Variants in ETV6 observed in about 807,000 individuals in gnomAD.
The protein encoded by ETV6 is ETS variant transcription factor 6, also known as transcription factor ETV6.
ETV6 carries 16 observed loss-of-function variants against 51.1 expected under a neutral mutation model. The ratio of observed to expected loss-of-function variants is 0.31; its 90% confidence interval spans 0.21 to 0.48. The LOEUF (loss-of-function observed/expected upper bound fraction) is 0.48. ETV6 is among the 20% of genes least tolerant of loss of function. The probability of loss-of-function intolerance (pLI) is 0.99; values close to 1 mark genes in which losing one functional copy is unlikely to be tolerated. For synonymous variants in ETV6, 240 were observed against 224.1 expected (o/e 1.07, Z -0.64); for missense variants, 458 against 594.8 (o/e 0.77, Z 2.39).
chr12:11,675,099 A>G (rs769172795), intron 1 of ETV6, among the ~76,000 whole-genome samples: 2 of 152,208 alleles, frequency 1.3e-5, no homozygotes, highest in Non-Finnish European at 2.9e-5. Context: ...CCATGGGGGT[A>G]AGCCTAGTCC....
At chr12:11,840,914 G>A (rs542654508) in intron 3 of ETV6, 1 of 168,576 alleles carries the variant, frequency 5.9e-6, no homozygotes, top group South Asian at 1.3e-4. Flanking sequence ...TTCTATTCCA[G>A]TGGAAACTCA....
intron 1 of ETV6, among the ~76,000 whole-genome samples, chr12:11,742,334 C>T (rs182098585): frequency 1.3e-3 from 191 of 152,294 alleles, no homozygotes; most frequent in African/African-American, 3.8e-3. Flanking sequence ...ACAAAACTCC[C>T]CAGACTTTCT....
intron 1 of ETV6, among the ~76,000 whole-genome samples, chr12:11,668,406 T>G (rs772708121): frequency 6.6e-6 from 1 of 151,956 alleles, no homozygotes; most frequent in Non-Finnish European, 1.5e-5. Context: ...TTTTGTTTTT[T>G]TTTTTTAAAT....
At chr12:11,699,990 T>C (rs1216571945) in intron 1 of ETV6, among the ~76,000 whole-genome samples, 1 of 152,212 alleles carries the variant, frequency 6.6e-6, no homozygotes. Flanking sequence ...TTATAAACCT[T>C]AGTCCAAGTC....
rs1479035092 is a variant in ETV6, at chr12:11,883,302, T to C, written c.1010-1143T>C. Among the ~76,000 whole-genome samples, 22 of 81,334 alleles carry C rather than the reference T, an allele frequency of 2.7e-4. 2 individuals carry two copies. The South Asian group carries it at 3.0e-3, about 11-fold the overall frequency. 53.4% of individuals were successfully genotyped at this position (81,334 alleles called of 152,430 possible). ...TTTTTTTTTTTTTTTTTTTTTTTTT[T>C]TTTTTTTTTGAGACTGAGTCTCACT... On this transcript the variant is annotated intron_variant, in intron 5 of 7. Coordinates refer to ENST00000396373, the MANE Select transcript of ETV6 (RefSeq NM_001987.5).
At chr12:11,787,913 G>A (rs16907270) in intron 2 of ETV6, among the ~76,000 whole-genome samples, 5,537 of 152,252 alleles carry the variant, frequency 0.036, 333 homozygotes, top group African/African-American at 0.12. Flanking sequence ...CCTCCCTATA[G>A]AAGACCCAGT....
At chr12:11,799,723 G>A (rs1016369947) in intron 2 of ETV6, among the ~76,000 whole-genome samples, 1 of 152,076 alleles carries the variant, frequency 6.6e-6, no homozygotes, top group African/African-American at 2.4e-5. Flanking sequence ...AACTGGGCAC[G>A]TCTACTTTGC....
intron 7 of ETV6, among the ~76,000 whole-genome samples, chr12:11,887,582 T>A (rs191328508): frequency 2.6e-5 from 4 of 152,054 alleles, no homozygotes; most frequent in African/African-American, 9.6e-5. Context: ...ACCCCATCTC[T>A]ACTAAAAGTA....
chr12:11,752,384 A>T, intron 1 of ETV6, 66 bp from the exon 2 acceptor site: 2 of 1,556,138 alleles, frequency 1.3e-6, no homozygotes, highest in Non-Finnish European at 1.7e-6. Context: ...AGATGGTCTC[A>T]TACCTCCATT....
intron 1 of ETV6, among the ~76,000 whole-genome samples, chr12:11,724,626 A>C (rs1041948717): frequency 2.0e-5 from 3 of 152,198 alleles, no homozygotes; most frequent in Non-Finnish European, 4.4e-5. Context: ...GTGTATCAGA[A>C]GAGGGTTGAG....
chr12:11,748,419 A>G (rs1311177218), intron 1 of ETV6, among the ~76,000 whole-genome samples: 1 of 152,132 alleles, frequency 6.6e-6, no homozygotes, highest in African/African-American at 2.4e-5. Flanking sequence ...AACCAACTTT[A>G]TTTCTGTTTT....
intron 1 of ETV6, among the ~76,000 whole-genome samples, chr12:11,742,474 A>AT (rs1166800773): frequency 6.6e-6 from 1 of 152,152 alleles, no homozygotes; most frequent in Non-Finnish European, 1.5e-5. Flanking sequence ...TCTGGAAAAA[A>AT]TTTTTTTAAA....
At chr12:11,722,048 C>T (rs1865398664) in intron 1 of ETV6, among the ~76,000 whole-genome samples, 1 of 152,158 alleles carries the variant, frequency 6.6e-6, no homozygotes, top group Non-Finnish European at 1.5e-5. Context: ...ATATTATGCC[C>T]CTGCTCACTT....
At chr12:11,752,372 C>G (rs542048027) in intron 1 of ETV6, 78 bp from the exon 2 acceptor site, 11 of 1,520,430 alleles carry the variant, frequency 7.2e-6, no homozygotes, top group African/African-American at 4.1e-5. Flanking sequence ...CTCCCCACCC[C>G]GAGATGGTCT....
At chr12:11,866,416 C>G (rs1946791469) in intron 4 of ETV6, among the ~76,000 whole-genome samples, 1 of 152,140 alleles carries the variant, frequency 6.6e-6, no homozygotes, top group South Asian at 2.1e-4. Flanking sequence ...CTTCTCATAT[C>G]TAGAAAATTG....
At chr12:11,846,080 G>A (rs929086308) in intron 3 of ETV6, among the ~76,000 whole-genome samples, 1 of 151,996 alleles carries the variant, frequency 6.6e-6, no homozygotes, top group Non-Finnish European at 1.5e-5. Context: ...GTTATGCACT[G>A]GTGTTTTCAC....
At chr12:11,690,283 C>G (rs1185510287) in intron 1 of ETV6, among the ~76,000 whole-genome samples, 1 of 151,916 alleles carries the variant, frequency 6.6e-6, no homozygotes, top group Non-Finnish European at 1.5e-5. Flanking sequence ...TCCTCACGTC[C>G]TTACAAGACA....
rs540511858 is a variant in ETV6 at position 11,894,869 on chromosome 12, T to C, written c.*3823T>C. 4 of 233,652 alleles carry C rather than the reference T, an allele frequency of 1.7e-5. No individual in the cohort carries two copies. In the South Asian group the frequency reaches 7.2e-4, roughly 42 times the overall value. The allele number at this position is 233,652 out of a possible 1,614,324, so 14.5% of individuals were successfully genotyped here. A position where few individuals can be genotyped will look rare whatever the true frequency, so the allele number is the denominator to read the frequency against. ...TCATTCCCACCCAGGAAACTGAAGA[T>C]AAAAGATTTGGGAAAACACACCAAG... On this transcript the variant is annotated 3_prime_UTR_variant, in exon 8 of 8. Transcript: ENST00000396373.
chr12:11,827,856 G>C (rs1053252599), intron 2 of ETV6, among the ~76,000 whole-genome samples: 1 of 152,180 alleles, frequency 6.6e-6, no homozygotes, highest in Non-Finnish European at 1.5e-5. Context: ...GGAGGGGAAA[G>C]AATTTTCATC....
Sources: gnomAD v4.1 joint callset for allele counts (sites outside exome capture counted in the v4.1 genomes callset) on GRCh38, gnomAD v4.1.1 for gene constraint, MANE v1.5 for transcripts, NCBI Gene and HGNC (gene_info 2026-07-23, HGNC 2026-07-21) for gene names.